The following RNASE10 variants were observed in gnomAD, a reference collection of about 807,000 sequenced individuals.
The protein encoded by RNASE10 is inactive ribonuclease-like protein 10.
RNASE10 carries 2 observed loss-of-function variants against 1.1 expected under a neutral mutation model. The observed-to-expected ratio is 1.82, with a 90% CI of 0.74 to 5.73. The LOEUF (loss-of-function observed/expected upper bound fraction) is 5.73, where lower values mean the gene tolerates loss of function less well. Among genes scored for constraint, RNASE10 ranks in the 30% most tolerant of loss-of-function variants. The pLI is 0.05. For missense variants in RNASE10, 276 were observed against 263.4 expected, an observed-to-expected ratio of 1.05 and a Z score of -0.33; for synonymous variants, 97 against 96.2, an observed-to-expected ratio of 1.01 and a Z score of -0.05.
chr14:20,504,385 A>G (rs575584745), upstream of RNASE10, among the ~76,000 whole-genome samples: 3 of 152,352 alleles, frequency 2.0e-5, no homozygotes, highest in African/African-American at 7.2e-5. Context: ...TCAAGGAACA[A>G]CATGGAAGTC....
At chr14:20,510,943 G>A in exon 2 of RNASE10, 1 of 1,609,546 alleles carries the variant, frequency 6.2e-7, no homozygotes, top group South Asian at 1.1e-5. Context: ...TCCTGTCATT[G>A]CCTGTGAGCT....
intron 1 of RNASE10, 98 bp downstream of exon 1, chr14:20,506,117 G>A (rs1882700613): frequency 7.3e-6 from 1 of 136,532 alleles, no homozygotes; most frequent in Non-Finnish European, 1.6e-5. Flanking sequence ...CCTCCGTCCG[G>A]CAGCCACCCC....
At chr14:20,507,085 G>A (rs1471601032) in intron 1 of RNASE10, among the ~76,000 whole-genome samples, 1 of 150,440 alleles carries the variant, frequency 6.6e-6, no homozygotes, top group East Asian at 1.9e-4. Context: ...GAGCCCCTCT[G>A]CCCGGCCAGG....
At chr14:20,504,475 C>G (rs1316559014), upstream of RNASE10, among the ~76,000 whole-genome samples, 2 of 151,798 alleles carry the variant, frequency 1.3e-5, no homozygotes, top group Non-Finnish European at 2.9e-5. Context: ...GTCACGAGGT[C>G]GGGAGATCGA....
chr14:20,509,046 T>C (rs1882829294), intron 1 of RNASE10, among the ~76,000 whole-genome samples: 1 of 152,136 alleles, frequency 6.6e-6, no homozygotes, highest in Non-Finnish European at 1.5e-5. Flanking sequence ...AAGACAAAGA[T>C]GCATGCTCAG....
downstream of RNASE10, chr14:20,511,268 C>T: frequency 5.0e-6 from 3 of 597,012 alleles, 1 homozygote; most frequent in South Asian, 1.2e-4. Context: ...GCATTTTGTT[C>T]CTAGGATTAG....
At chr14:20,507,738 T>TTA (rs1356866078) in intron 1 of RNASE10, among the ~76,000 whole-genome samples, 47 of 150,764 alleles carry the variant, frequency 3.1e-4, no homozygotes, top group African/African-American at 7.5e-4. Flanking sequence ...ATTTATTTAT[T>TTA]TATTTATTTA....
intron 1 of RNASE10, among the ~76,000 whole-genome samples, chr14:20,507,093 A>G (rs1212998926): frequency 6.7e-6 from 1 of 150,156 alleles, no homozygotes; most frequent in Non-Finnish European, 1.5e-5. Flanking sequence ...CTGCCCGGCC[A>G]GGACCCCGTC....
chr14:20,506,335 G>T (rs1376380181), intron 1 of RNASE10, among the ~76,000 whole-genome samples: 1 of 126,254 alleles, frequency 7.9e-6, no homozygotes, highest in African/African-American at 3.1e-5. Flanking sequence ...CCCCCGCCCG[G>T]CCAGCCGCCC....
downstream of RNASE10, among the ~76,000 whole-genome samples, chr14:20,513,713 T>C (rs1471742597): frequency 2.6e-5 from 4 of 152,234 alleles, no homozygotes; most frequent in Non-Finnish European, 4.4e-5. Context: ...TCTAAGAGTG[T>C]GTTAGTCATA....
upstream of RNASE10, among the ~76,000 whole-genome samples, chr14:20,505,258 TTTGCTCCCTCTCCCTCTC>T (rs1882661443): frequency 4.4e-5 from 4 of 90,220 alleles, no homozygotes; most frequent in African/African-American, 1.8e-4. Flanking sequence ...AAAAAGTGAG[TTTGCTCCCTCTCCCTCTC>T]CCTCTCCCTC....
downstream of RNASE10, among the ~76,000 whole-genome samples, chr14:20,513,694 G>T (rs533682571): frequency 6.6e-6 from 1 of 152,294 alleles, no homozygotes; most frequent in South Asian, 2.1e-4. Context: ...TTTGTTATGA[G>T]TAGGTCCTTC....
upstream of RNASE10, among the ~76,000 whole-genome samples, chr14:20,505,259 TTG>T (rs1566535777): frequency 2.4e-3 from 189 of 80,028 alleles, 24 homozygotes; most frequent in African/African-American, 0.01. Flanking sequence ...AAAAGTGAGT[TTG>T]CTCCCTCTCC....
chr14:20,505,326 C>T (rs1313316906), upstream of RNASE10, among the ~76,000 whole-genome samples: 2 of 87,596 alleles, frequency 2.3e-5, no homozygotes, highest in Non-Finnish European at 4.3e-5. Flanking sequence ...CTCCCTCTCC[C>T]TCCACGGTCT....
At chr14:20,509,915 G>A (rs1463592026) in intron 1 of RNASE10, among the ~76,000 whole-genome samples, 1 of 140,284 alleles carries the variant, frequency 7.1e-6, no homozygotes. Flanking sequence ...GACCGCAGGA[G>A]TTTGAGACCA....
chr14:20,507,627 T>TA (rs66799055), intron 1 of RNASE10, among the ~76,000 whole-genome samples: 36,305 of 132,944 alleles, frequency 0.27, 5,054 homozygotes, highest in Non-Finnish European at 0.31. Context: ...AATAAATAAA[T>TA]AAATAAATAA....
chr14:20,507,074 G>A (rs1387655787), intron 1 of RNASE10, among the ~76,000 whole-genome samples: 2 of 150,628 alleles, frequency 1.3e-5, no homozygotes, highest in Non-Finnish European at 3.0e-5. Flanking sequence ...TGGGAAGTGA[G>A]GAGCCCCTCT....
downstream of RNASE10, among the ~76,000 whole-genome samples, chr14:20,512,395 T>C (rs915536901): frequency 9.2e-5 from 14 of 152,156 alleles, no homozygotes; most frequent in African/African-American, 2.9e-4. Context: ...TCTGAGAACA[T>C]AGCTGTAAGG....
At chr14:20,504,235 C>T (rs1297276363), upstream of RNASE10, among the ~76,000 whole-genome samples, 2 of 152,108 alleles carry the variant, frequency 1.3e-5, no homozygotes, top group Admixed American at 6.5e-5. Context: ...CAGAAGATAA[C>T]CATTTTTCTT....
Sources: gnomAD v4.1 joint callset for allele counts (sites outside exome capture counted in the v4.1 genomes callset) on GRCh38, gnomAD v4.1.1 for gene constraint, MANE v1.5 for transcripts, NCBI Gene and HGNC (gene_info 2026-07-23, HGNC 2026-07-21) for gene names.